NALF1: variants seen among roughly 807,000 people sequenced by gnomAD.
NALF1 encodes the protein family with sequence similarity 155 member A.
NALF1 carries 3 observed loss-of-function variants against 48.4 expected under a neutral mutation model. That is an observed-to-expected ratio of 0.06 (90% CI 0.03 to 0.16). NALF1 has a LOEUF of 0.16. NALF1 is among the 10% of genes least tolerant of loss of function. The pLI, the probability that NALF1 is intolerant of heterozygous loss-of-function variation, is 1.00. For synonymous variants in NALF1, 262 were observed against 245.7 expected, an observed-to-expected ratio of 1.07 and a Z score of -0.62; for missense variants, 526 against 571.5, an observed-to-expected ratio of 0.92 and a Z score of 0.81.
chr13:107,196,999 T>TG (rs1296358727), intron 2 of NALF1, among the ~76,000 whole-genome samples: 1 of 152,052 alleles, frequency 6.6e-6, no homozygotes, highest in East Asian at 1.9e-4. Flanking sequence ...TGATTGGAGG[T>TG]GGGGCCTTTG....
intron 1 of NALF1, among the ~76,000 whole-genome samples, chr13:107,447,209 T>C (rs1884665020): frequency 6.6e-6 from 1 of 152,032 alleles, no homozygotes; most frequent in Non-Finnish European, 1.5e-5. Flanking sequence ...TTCTCCTTCT[T>C]TTCCCTTCTC....
chr13:107,834,379 C>T (rs1249102062), intron 1 of NALF1, among the ~76,000 whole-genome samples: 2 of 152,138 alleles, frequency 1.3e-5, no homozygotes, highest in Non-Finnish European at 2.9e-5. Flanking sequence ...GAGCAAGAGA[C>T]TGAATTTTTA....
At chr13:107,236,872 T>A (rs1218983277) in intron 1 of NALF1, among the ~76,000 whole-genome samples, 1 of 152,190 alleles carries the variant, frequency 6.6e-6, no homozygotes, top group Non-Finnish European at 1.5e-5. Context: ...CATTATTCCC[T>A]AAACAACATA....
At chr13:107,650,856 A>G (rs973128602) in intron 1 of NALF1, among the ~76,000 whole-genome samples, 1 of 151,692 alleles carries the variant, frequency 6.6e-6, no homozygotes, top group Non-Finnish European at 1.5e-5. Flanking sequence ...CTCACTTGTA[A>G]GTGGGGGCTA....
chr13:107,431,388 C>A (rs922858827), intron 1 of NALF1, among the ~76,000 whole-genome samples: 1 of 152,174 alleles, frequency 6.6e-6, no homozygotes, highest in Non-Finnish European at 1.5e-5. Flanking sequence ...AACACACACA[C>A]ACACATGCGC....
intron 1 of NALF1, among the ~76,000 whole-genome samples, chr13:107,479,008 G>T (rs1302908712): frequency 6.6e-6 from 1 of 152,122 alleles, no homozygotes; most frequent in Non-Finnish European, 1.5e-5. Flanking sequence ...TGGCAAACCA[G>T]GAGAATTAAA....
At chr13:107,843,076 T>C (rs893173246) in intron 1 of NALF1, among the ~76,000 whole-genome samples, 2 of 152,184 alleles carry the variant, frequency 1.3e-5, no homozygotes, top group African/African-American at 4.8e-5. Flanking sequence ...TAGATAACAA[T>C]GGCCAGCAGA....
At chr13:107,764,482 G>T (rs1877368401) in intron 1 of NALF1, among the ~76,000 whole-genome samples, 1 of 152,102 alleles carries the variant, frequency 6.6e-6, no homozygotes, top group Non-Finnish European at 1.5e-5. Flanking sequence ...GAGAAAGGAA[G>T]ACTTCGGCAT....
intron 1 of NALF1, among the ~76,000 whole-genome samples, chr13:107,714,138 T>C (rs1009410982): frequency 2.6e-5 from 4 of 152,248 alleles, no homozygotes; most frequent in African/African-American, 4.8e-5. Context: ...TTCACTTGTA[T>C]GTTATCAAAG....
intron 1 of NALF1, among the ~76,000 whole-genome samples, chr13:107,620,397 G>C (rs972583828): frequency 6.6e-6 from 1 of 152,182 alleles, no homozygotes; most frequent in Non-Finnish European, 1.5e-5. Flanking sequence ...ATCTTTAATT[G>C]TGTGTGCCAT....
At chr13:107,642,773 A>G (rs1160089867) in intron 1 of NALF1, among the ~76,000 whole-genome samples, 2 of 152,194 alleles carry the variant, frequency 1.3e-5, no homozygotes, top group African/African-American at 2.4e-5. Context: ...TAACATAGCT[A>G]TAGCACATTG....
intron 1 of NALF1, among the ~76,000 whole-genome samples, chr13:107,268,343 G>T (rs1211276821): frequency 6.6e-6 from 1 of 152,082 alleles, no homozygotes; most frequent in African/African-American, 2.4e-5. Flanking sequence ...GAGGGTAACT[G>T]AACTCATGGA....
At chr13:107,487,199 C>T (rs1885343126) in intron 1 of NALF1, among the ~76,000 whole-genome samples, 1 of 152,038 alleles carries the variant, frequency 6.6e-6, no homozygotes, top group Non-Finnish European at 1.5e-5. Flanking sequence ...TTTTTAAGAA[C>T]ATGGACATTG....
At chr13:107,480,107 G>A (rs988163247) in intron 1 of NALF1, among the ~76,000 whole-genome samples, 2 of 152,072 alleles carry the variant, frequency 1.3e-5, no homozygotes, top group African/African-American at 4.8e-5. Flanking sequence ...CTCATGATTT[G>A]GAGACAAAAA....
intron 1 of NALF1, among the ~76,000 whole-genome samples, chr13:107,525,318 C>T (rs944532309): frequency 2.0e-5 from 3 of 152,080 alleles, no homozygotes; most frequent in African/African-American, 7.2e-5. Context: ...CTGTTCTCAT[C>T]TTCATAGTTT....
chr13:107,227,872 A>G (rs1278911295), intron 1 of NALF1, among the ~76,000 whole-genome samples: 2 of 152,258 alleles, frequency 1.3e-5, no homozygotes, highest in East Asian at 3.8e-4. Flanking sequence ...CATATCAGAA[A>G]AAGTAAAATA....
intron 1 of NALF1, among the ~76,000 whole-genome samples, chr13:107,748,880 A>G (rs1257439406): frequency 6.6e-6 from 1 of 152,188 alleles, no homozygotes; most frequent in African/African-American, 2.4e-5. Context: ...AAGCTGGAAA[A>G]GGCCACTTAG....
chr13:107,233,809 A>G (rs1489709386), intron 1 of NALF1, among the ~76,000 whole-genome samples: 1 of 152,220 alleles, frequency 6.6e-6, no homozygotes, highest in East Asian at 1.9e-4. Flanking sequence ...TGAGGGAGAG[A>G]GGAAAAGCTT....
At chr13:107,857,941 A>T (rs993152737) in intron 1 of NALF1, among the ~76,000 whole-genome samples, 1 of 152,220 alleles carries the variant, frequency 6.6e-6, no homozygotes, top group African/African-American at 2.4e-5. Context: ...CCAGACTAAA[A>T]GACTCTGCCA....
Sources: allele counts gnomAD v4.1 joint callset (sites outside exome capture counted in the v4.1 genomes callset), GRCh38; gene constraint gnomAD v4.1.1; transcripts MANE v1.5; gene names NCBI Gene and HGNC (gene_info 2026-07-23, HGNC 2026-07-21).